CDH23: variants seen among roughly 807,000 people sequenced by gnomAD.
CDH23 encodes cadherin related 23.
A neutral mutation model predicts 317.1 loss-of-function variants in CDH23; 189 were observed. The observed-to-expected ratio is 0.60, with a 90% CI of 0.53 to 0.67. CDH23 has a LOEUF of 0.67. Among genes scored for constraint, CDH23 ranks in the 30% least tolerant of loss-of-function variants. The probability of loss-of-function intolerance (pLI) is 0.00; values close to 1 mark genes in which losing one functional copy is unlikely to be tolerated. For missense variants in CDH23, 4,401 were observed against 4,592.4 expected, an observed-to-expected ratio of 0.96 and a Z score of 1.20; for synonymous variants, 1,839 against 1,876.8, an observed-to-expected ratio of 0.98 and a Z score of 0.52.
chr10:71,677,606 C>T lies in CDH23; in HGVS notation c.1665C>T (p.Asn555=), dbSNP rs397517310. ...TCAGGATCAATGTGTTGGATGTCAA[C>T]GACAACGTGCCCACCTTCCAGAAGG... ...GRVRINVLDV[N]DNVPTFQKDA... is the part of the protein sequence containing the mutation. Residue 555 remains asparagine, a synonymous_variant, in exon 16 of 70, where the codon AAC becomes AAT. Transcript: ENST00000224721. The T allele has an allele frequency of 2.6e-5, 42 of 1,604,272 alleles. No individual in the cohort carries two copies. In the Middle Eastern group the frequency reaches 8.2e-4, roughly 31 times the overall value.
At chr10:71,477,301 TGGG>T (rs1851842851) in intron 3 of CDH23, among the ~76,000 whole-genome samples, 1 of 152,226 alleles carries the variant, frequency 6.6e-6, no homozygotes, top group Non-Finnish European at 1.5e-5. Flanking sequence ...CCCGAGCAGA[TGGG>T]ATTACAGGCA....
intron 25 of CDH23, among the ~76,000 whole-genome samples, chr10:71,706,551 G>A (rs1024714540): frequency 2.0e-5 from 3 of 152,214 alleles, no homozygotes; most frequent in Non-Finnish European, 4.4e-5. Flanking sequence ...GGTCACTGTC[G>A]TCATCGTTGT....
intron 1 of CDH23, among the ~76,000 whole-genome samples, chr10:71,404,932 A>G (rs1039129277): frequency 6.6e-6 from 1 of 152,240 alleles, no homozygotes; most frequent in African/African-American, 2.4e-5. Context: ...TGTTTCTGAA[A>G]GAAGGCTGTA....
At chr10:71,785,597 G>A (rs1841081186) in intron 43 of CDH23, 34 bp from the exon 44 acceptor site, 14 of 1,349,348 alleles carry the variant, frequency 1.0e-5, no homozygotes, top group Non-Finnish European at 1.5e-5. Context: ...CAGGGAAAAG[G>A]TCTCCATGCA....
intron 44 of CDH23, among the ~76,000 whole-genome samples, chr10:71,788,456 C>CT (rs940033581): frequency 6.6e-6 from 1 of 151,888 alleles, no homozygotes; most frequent in African/African-American, 2.4e-5. Flanking sequence ...AGCATTTTTT[C>CT]TTTTTTTCTT....
At position 71,694,509 on chromosome 10, in the gene CDH23, C is replaced by T. The variant is rs1589342628; in HGVS notation, c.2289+250C>T. Among the ~76,000 whole-genome samples the T allele has an allele frequency of 6.6e-6, 1 of 152,198 alleles. No individual in the cohort carries two copies. Among genetic ancestry groups the T allele is most frequent in the East Asian group, 1.9e-4 (1 of 5,172 alleles). ...CAAAATGAAATACTTTCTCTCCTGC[C>T]CCTAAAAATCCAGGAGGGCAGGTGG... On this transcript the variant is annotated intron_variant, in intron 21 of 69. Transcript: ENST00000224721.
intron 2 of CDH23, among the ~76,000 whole-genome samples, chr10:71,441,318 G>A (rs907378433): frequency 2.0e-5 from 3 of 152,142 alleles, no homozygotes; most frequent in African/African-American, 7.2e-5. Context: ...CATGTTCGCT[G>A]CACGGTGGGA....
At chr10:71,614,998 A>G (rs1342126613) in intron 9 of CDH23, among the ~76,000 whole-genome samples, 1 of 152,166 alleles carries the variant, frequency 6.6e-6, no homozygotes, top group Non-Finnish European at 1.5e-5. Flanking sequence ...TTTTTTGTAA[A>G]AGGAAACTTT....
intron 14 of CDH23, among the ~76,000 whole-genome samples, chr10:71,651,904 C>A (rs1379971865): frequency 6.6e-6 from 1 of 152,236 alleles, no homozygotes; most frequent in African/African-American, 2.4e-5. Context: ...TATTTATTAG[C>A]TCCATGTCCT....
chr10:71,776,342 T>A (rs1840816589), intron 38 of CDH23, among the ~76,000 whole-genome samples: 1 of 152,126 alleles, frequency 6.6e-6, no homozygotes, highest in African/African-American at 2.4e-5. Context: ...AGCCAGCCAG[T>A]CCCAAGGAAA....
chr10:71,398,428 A>AGTGTGTGTGT (rs143519061), intron 1 of CDH23, among the ~76,000 whole-genome samples: 3,136 of 120,180 alleles, frequency 0.026, 77 homozygotes, highest in Non-Finnish European at 0.036. Flanking sequence ...GAGACACAGG[A>AGTGTGTGTGT]GTGTGTGTGT....
At chr10:71,802,079 G>A (rs1028739099) in intron 53 of CDH23, among the ~76,000 whole-genome samples, 11 of 152,258 alleles carry the variant, frequency 7.2e-5, no homozygotes, top group Admixed American at 6.5e-4. Context: ...AGGCCGAGGC[G>A]GGGGGATCAC....
At chr10:71,432,179 G>A (rs1033977604) in intron 1 of CDH23, among the ~76,000 whole-genome samples, 61 of 152,220 alleles carry the variant, frequency 4.0e-4, no homozygotes, top group African/African-American at 1.5e-3. Context: ...TCCTGGAGGG[G>A]GTGGCAGAAC....
chr10:71,599,598 C>G (rs150946212), intron 9 of CDH23, among the ~76,000 whole-genome samples: 1 of 152,016 alleles, frequency 6.6e-6, no homozygotes. Flanking sequence ...GTGATGGTAC[C>G]GAGAGCTTCA....
At chr10:71,616,240 G>C (rs1861183772) in intron 10 of CDH23, among the ~76,000 whole-genome samples, 1 of 152,250 alleles carries the variant, frequency 6.6e-6, no homozygotes, top group South Asian at 2.1e-4. Flanking sequence ...CCCAGCCCAG[G>C]CCATCAGCCG....
Position 71,751,975 on chromosome 10 carries a change from G to A in CDH23, c.4845+10054G>A. The A allele has an allele frequency of 8.7e-7, 1 of 1,146,756 alleles. No homozygotes were observed. The highest frequency in any genetic ancestry group is 1.3e-6 in the Non-Finnish European group (1 of 793,696). The allele number at this position is 1,146,756 out of a possible 1,614,324, so 71.0% of individuals were successfully genotyped here. A position where few individuals can be genotyped will look rare whatever the true frequency, so the allele number is the denominator to read the frequency against. ...CTCTCACCTACATCCCCATCCCCAA[G>A]CCTCAGCAGCATCTCCAAGCAAGAA... On this transcript the variant is annotated intron_variant, in intron 38 of 69. Transcript: ENST00000224721. The surrounding 1 kb of genome is among the most constrained non-coding windows in gnomAD (Gnocchi z 4.9).
chr10:71,806,118 C>T (rs1484959790), intron 56 of CDH23, 50 bp from the exon 57 acceptor site: 1 of 1,534,530 alleles, frequency 6.5e-7, no homozygotes, highest in Non-Finnish European at 8.8e-7. Context: ...AGTCCCCAAG[C>T]CAATCCCCTC....
chr10:71,585,856 G>A (rs1487080065), intron 9 of CDH23, among the ~76,000 whole-genome samples: 1 of 152,150 alleles, frequency 6.6e-6, no homozygotes, highest in Non-Finnish European at 1.5e-5. Flanking sequence ...TATGCTCTTT[G>A]TCAGCAACAG....
intron 22 of CDH23, among the ~76,000 whole-genome samples, chr10:71,701,036 C>G (rs1213940756): frequency 6.6e-6 from 1 of 152,194 alleles, no homozygotes; most frequent in Non-Finnish European, 1.5e-5. Context: ...GGACTGTAGT[C>G]ACCTCTCTCC....
Sources: allele counts gnomAD v4.1 joint callset (sites outside exome capture counted in the v4.1 genomes callset), GRCh38; gene constraint gnomAD v4.1.1; non-coding constraint Gnocchi (gnomAD v3.1); transcripts MANE v1.5; gene names NCBI Gene and HGNC (gene_info 2026-07-23, HGNC 2026-07-21).